Variants in NLRP5 observed in about 807,000 individuals in gnomAD.
NLRP5 encodes NACHT, LRR and PYD domains-containing protein 5.
A neutral mutation model predicts 113.1 loss-of-function variants in NLRP5; 93 were observed. That is an observed-to-expected ratio of 0.82 (90% CI 0.70 to 0.98). NLRP5 has a LOEUF of 0.98. Among genes scored for constraint, NLRP5 ranks in the 50% least tolerant of loss-of-function variants. NLRP5 has a pLI of 0.00. For synonymous variants in NLRP5, 751 were observed against 600.7 expected, an observed-to-expected ratio of 1.25 and a Z score of -3.66; for missense variants, 1,808 against 1,514.3, an observed-to-expected ratio of 1.19 and a Z score of -3.22.
Position 56,004,144 on chromosome 19 carries a change from A to G in NLRP5, c.442+49A>G, listed in dbSNP as rs368454033. The G allele has an allele frequency of 5.9e-4, 903 of 1,543,196 alleles. 4 individuals carry two copies. Among genetic ancestry groups the G allele is most frequent in the Non-Finnish European group, 1.3e-4 (151 of 1,145,978 alleles). ...TAGGGCAGGGAGGGGAGGTGATTTC[A>G]GGTTCTCATGGGAACAGGGAAGAAT... On this transcript the variant is annotated intron_variant, in intron 2 of 14. Coordinates refer to ENST00000390649, the MANE Select transcript of NLRP5 (RefSeq NM_153447.4).
the NLRP5 span, chr19:55,988,004 A>G: frequency 1.0e-6 from 1 of 968,122 alleles, no homozygotes; most frequent in Non-Finnish European, 1.6e-6. Context: ...GTATGCATTA[A>G]CGTACTTTCC....
intron 11 of NLRP5, among the ~76,000 whole-genome samples, chr19:56,048,105 T>A (rs1217062755): frequency 6.6e-6 from 1 of 152,170 alleles, no homozygotes; most frequent in Non-Finnish European, 1.5e-5. Context: ...TTTATGTGAG[T>A]CTTTATGTGC....
At chr19:56,059,844 T>C (rs530697311) in intron 14 of NLRP5, among the ~76,000 whole-genome samples, 31 of 152,240 alleles carry the variant, frequency 2.0e-4, no homozygotes, top group Non-Finnish European at 4.3e-4. Context: ...TATATTTATA[T>C]CAATAGAAAA....
At chr19:56,024,338 C>CT (rs1346887393) in intron 6 of NLRP5, among the ~76,000 whole-genome samples, 1 of 118,618 alleles carries the variant, frequency 8.4e-6, no homozygotes, top group East Asian at 2.2e-4. Context: ...CTCATCTCTG[C>CT]TTAAAAAAAA....
chr19:56,026,890 C>T, intron 6 of NLRP5, 23 bp from the exon 7 acceptor site: 1 of 1,539,926 alleles, frequency 6.5e-7, no homozygotes, highest in Non-Finnish European at 8.8e-7. Flanking sequence ...TCCTGATTTT[C>T]ATTCTACCCT....
At chr19:56,025,079 G>T (rs1042785758) in intron 6 of NLRP5, among the ~76,000 whole-genome samples, 4 of 152,058 alleles carry the variant, frequency 2.6e-5, no homozygotes, top group Admixed American at 6.6e-5. Context: ...CTGATGATCT[G>T]TCAGTGTCTC....
chr19:56,003,898 A>C lies in NLRP5; in HGVS notation c.245A>C (p.Glu82Ala). ...AAGGAAGAATTTCAGACATTCAAGG[A>C]ATTACTAAAGAAGAAATCTTCAGAA... The change falls in exon 2 of 15, where the codon GAA becomes GCA. Residue 82 changes from glutamate (E) to alanine (A), a missense_variant. Physicochemically the swap from Glu to Ala is moderately radical, Grantham distance 107 (BLOSUM62 -1). Transcript: ENST00000390649. 6.2e-7 allele frequency: 1 copy of C among 1,614,020 alleles called. No individual in the cohort carries two copies. The highest frequency in any genetic ancestry group is 8.5e-7 in the Non-Finnish European group (1 of 1,179,890).
chr19:56,036,084 G>A (rs1456240994), intron 9 of NLRP5, among the ~76,000 whole-genome samples: 54 of 76,714 alleles, frequency 7.0e-4, no homozygotes, highest in African/African-American at 3.1e-3. Context: ...TTTTTTTGGA[G>A]ACAGAGTCTT....
rs1555765384 is a variant in NLRP5 at position 56,013,596 on chromosome 19, G to GTTTTTTTTTGTT, written c.509-2137_509-2136insGTTTTTTTTTTT. On this transcript the variant is annotated intron_variant, in intron 3 of 14. Coordinates refer to ENST00000390649, the MANE Select transcript of NLRP5 (RefSeq NM_153447.4). Reference sequence around the variant, plus strand: ...CATTTATCACATGATGGACATTTGGGTTTTTTTTTTTTTTTTTTTTTGCTA... The same window carrying GTTTTTTTTTGTT: ...CATTTATCACATGATGGACATTTGGGTTTTTTTTTGTTTTTTTTTTTTTTTTTTTTTTTGCTA... Among the ~76,000 whole-genome samples, 28 of 59,284 alleles carry GTTTTTTTTTGTT rather than the reference G, an allele frequency of 4.7e-4. 1 individual carries two copies. The highest frequency in any genetic ancestry group is 1.9e-3 in the African/African-American group (22 of 11,534). 38.9% of individuals were successfully genotyped at this position (59,284 alleles called of 152,430 possible). A position where few individuals can be genotyped will look rare whatever the true frequency, so the allele number is the denominator to read the frequency against.
At chr19:55,997,890 C>G (rs969638813), upstream of NLRP5, among the ~76,000 whole-genome samples, 1 of 151,844 alleles carries the variant, frequency 6.6e-6, no homozygotes, top group Non-Finnish European at 1.5e-5. Flanking sequence ...TGAAGGATAT[C>G]TAGTCCTGGT....
intron 13 of NLRP5, among the ~76,000 whole-genome samples, chr19:56,054,421 G>C (rs1186240765): frequency 1.3e-5 from 2 of 152,094 alleles, no homozygotes; most frequent in South Asian, 4.1e-4. Context: ...AGCCAGGTGT[G>C]GTGGCGCATG....
At chr19:56,000,109 T>C (rs557366424) in intron 1 of NLRP5, among the ~76,000 whole-genome samples, 1 of 152,030 alleles carries the variant, frequency 6.6e-6, no homozygotes, top group South Asian at 2.1e-4. Flanking sequence ...TCCACTCTTT[T>C]CAATGACAGT....
intron 13 of NLRP5, among the ~76,000 whole-genome samples, chr19:56,055,114 G>A (rs931585551): frequency 1.4e-5 from 2 of 147,798 alleles, no homozygotes; most frequent in African/African-American, 2.5e-5. Context: ...TCAGCCTCCC[G>A]AGTAGCTGGG....
Position 56,027,956 on chromosome 19 carries a change from C to T in NLRP5, c.1723C>T (p.His575Tyr). Residue 575 changes from histidine (H) to tyrosine (Y), a missense_variant, in exon 7 of 15, where the codon CAC (histidine) becomes TAC (tyrosine). Transcript: ENST00000390649. ...CATGAACATCCTTCTCCCAGACAGC[C>T]ACTGTGAGGAGTACTACACCTTCTT... 6 of 1,613,934 alleles carry T rather than the reference C, an allele frequency of 3.7e-6. No individual in the cohort carries two copies. The highest frequency in any genetic ancestry group is 5.1e-6 in the Non-Finnish European group (6 of 1,179,852).
intron 4 of NLRP5, 120 bp from the exon 5 acceptor site, chr19:56,019,222 G>A (rs538035406): frequency 8.9e-7 from 1 of 1,125,394 alleles, no homozygotes; most frequent in Non-Finnish European, 1.3e-6. Context: ...GACAGTGGTT[G>A]CCATGTTTTC....
upstream of NLRP5, among the ~76,000 whole-genome samples, chr19:55,995,263 A>G (rs1373269094): frequency 1.3e-5 from 2 of 152,130 alleles, no homozygotes; most frequent in Non-Finnish European, 2.9e-5. Context: ...AATGCAAACG[A>G]TGAGTTCATG....
intron 7 of NLRP5, among the ~76,000 whole-genome samples, chr19:56,031,503 C>T (rs1004890872): frequency 6.6e-6 from 1 of 151,792 alleles, no homozygotes; most frequent in African/African-American, 2.4e-5. Flanking sequence ...TGGTGGTGGG[C>T]ACCTGTAATC....
intron 14 of NLRP5, among the ~76,000 whole-genome samples, chr19:56,059,482 G>A (rs60109062): frequency 0.14 from 20,857 of 152,170 alleles, 1,617 homozygotes; most frequent in East Asian, 0.31. Context: ...CCAGAGAAAT[G>A]TACAGCTGGC....
chr19:56,059,041 G>T (rs1984260152), intron 14 of NLRP5, among the ~76,000 whole-genome samples: 1 of 152,230 alleles, frequency 6.6e-6, no homozygotes, highest in East Asian at 1.9e-4. Flanking sequence ...ATTTCCAAAG[G>T]ATTGGGGTGA....
Sources: allele counts gnomAD v4.1 joint callset (sites outside exome capture counted in the v4.1 genomes callset), GRCh38; gene constraint gnomAD v4.1.1; transcripts MANE v1.5; gene names NCBI Gene and HGNC (gene_info 2026-07-23, HGNC 2026-07-21).